Variants in ANKRD40 observed in about 807,000 individuals in gnomAD.
The protein encoded by ANKRD40 is ankyrin repeat domain 40.
Under a neutral mutation model 35.5 loss-of-function variants are expected in ANKRD40, and 24 were observed. The ratio of observed to expected loss-of-function variants is 0.68; its 90% confidence interval spans 0.49 to 0.95. ANKRD40 has a LOEUF of 0.95. ANKRD40 is among the 40% of genes least tolerant of loss of function. ANKRD40 has a pLI of 0.00. For synonymous variants in ANKRD40, 147 were observed against 173.5 expected (o/e 0.85, Z 1.20); for missense variants, 361 against 436.0 (o/e 0.83, Z 1.53).
rs543264992 is a variant in ANKRD40 at position 50,695,666 on chromosome 17, G to A, written c.*331C>T. The A allele has an allele frequency of 4.7e-5, 9 of 189,598 alleles. No individual in the cohort carries two copies. In the East Asian group the frequency reaches 6.3e-4, roughly 13 times the overall value. The allele number at this position is 189,598 out of a possible 1,614,324, so 11.7% of individuals were successfully genotyped here. A position where few individuals can be genotyped will look rare whatever the true frequency, so the allele number is the denominator to read the frequency against. On this transcript the variant is annotated 3_prime_UTR_variant, in exon 5 of 5. Transcript: ENST00000285243. ...ACAGGAGTGGCTAGAAATAGGCTCC[G>A]CTCTCTCTCAGCTGCTGCTTAGACA...
Position 50,695,915 on chromosome 17 carries a change from A to AGGCATTTAGATCAATGGCTT in ANKRD40, c.*62_*81dup. On this transcript the variant is annotated 3_prime_UTR_variant, in exon 5 of 5. Coordinates refer to ENST00000285243, the MANE Select transcript of ANKRD40 (RefSeq NM_052855.4). ...CACCAGAGGCCCTCCCGGGCATCTG[A>AGGCATTTAGATCAATGGCTT]GGCATTTAGATCAATGGCTTGTCCT... 1.3e-6 allele frequency: 2 copies of AGGCATTTAGATCAATGGCTT among 1,536,892 alleles called. No individual in the cohort carries two copies.
chr17:50,700,459 A>G, intron 2 of ANKRD40, 109 bp downstream of exon 2: 3 of 959,462 alleles, frequency 3.1e-6, no homozygotes, highest in Non-Finnish European at 4.4e-6. Flanking sequence ...AAAAAAAAAA[A>G]AGAAAGAAAT....
intron 1 of ANKRD40, among the ~76,000 whole-genome samples, chr17:50,705,545 C>T (rs1025296669): frequency 6.6e-6 from 1 of 151,874 alleles, no homozygotes; most frequent in Non-Finnish European, 1.5e-5. Context: ...ACTGGGATCT[C>T]ACTATGTTGC....
intron 1 of ANKRD40, among the ~76,000 whole-genome samples, chr17:50,706,080 T>C (rs1968333628): frequency 6.6e-6 from 1 of 152,012 alleles, no homozygotes; most frequent in African/African-American, 2.4e-5. Context: ...TCCCTTTCAG[T>C]TCCAAAATGG....
chr17:50,695,180 G>A lies in ANKRD40; in HGVS notation c.*817C>T, dbSNP rs1409116323. ...AGGCCAGAAGTTTGAGACCAGCCTG[G>A]GCCACATAGTGAGACCCTGTCTCTA... On this transcript the variant is annotated 3_prime_UTR_variant, in exon 5 of 5. Transcript: ENST00000285243. 2.0e-5 allele frequency: 3 copies of A among 151,068 alleles called. No individual in the cohort carries two copies. The highest frequency in any genetic ancestry group is 7.3e-5 in the African/African-American group (3 of 40,892). The allele number at this position is 151,068 out of a possible 1,614,324, so 9.4% of individuals were successfully genotyped here.
chr17:50,696,019 C>T lies in ANKRD40; in HGVS notation c.1085G>A (p.Arg362Lys). 6.2e-7 allele frequency: 1 copy of T among 1,614,170 alleles called. No homozygotes were observed. Among genetic ancestry groups the T allele is most frequent in the Non-Finnish European group, 8.5e-7 (1 of 1,180,020 alleles). Residue 362 changes from arginine (R) to lysine (K), a missense_variant, in exon 5 of 5, where the codon AGA becomes AAA. Around this residue, in one of 5 missense-constraint regions of ANKRD40, gnomAD observed 93 missense variants for 129.6 expected, o/e 0.72. Transcript: ENST00000285243. ...GCATTAGTAAGTCAGTTTTGAAGCTCTCCTGTTATAGCAAGGCCTTTCAGT... is the reference window on the plus strand; with the variant it reads ...GCATTAGTAAGTCAGTTTTGAAGCTTTCCTGTTATAGCAAGGCCTTTCAGT... ...TLTERPCYNR[R>K]ASKLTY
At chr17:50,700,848 C>T in intron 1 of ANKRD40, 132 bp from the exon 2 acceptor site, 1 of 722,904 alleles carries the variant, frequency 1.4e-6, no homozygotes, top group Non-Finnish European at 2.1e-6. Flanking sequence ...CTGGTAATCT[C>T]AACTTTTCAC....
intron 4 of ANKRD40, chr17:50,696,678 T>C: frequency 3.1e-6 from 1 of 325,462 alleles, no homozygotes; most frequent in Admixed American, 4.7e-5. Flanking sequence ...TACAACTAGT[T>C]TGTAAGACTG....
Position 50,699,905 on chromosome 17 carries a change from G to C in ANKRD40, c.284-12C>G. The stretch of plus-strand genomic sequence containing the variant: ...ATCTTCTTCTTCCACTTAAAAAGAA[G>C]AAAACAGAACATTTACACAGTCCTT... On this transcript the variant is annotated splice_polypyrimidine_tract_variant and intron_variant, in intron 2 of 4. Transcript: ENST00000285243. 6.7e-7 allele frequency: 1 copy of C among 1,497,438 alleles called. No homozygotes were observed. Among genetic ancestry groups the C allele is most frequent in the Non-Finnish European group, 8.9e-7 (1 of 1,124,834 alleles). 92.8% of individuals were successfully genotyped at this position (1,497,438 alleles called of 1,614,324 possible).
At position 50,707,687 on chromosome 17, in the gene ANKRD40, G is replaced by GCCTGC; in HGVS notation, c.-38_-34dup. On this transcript the variant is annotated 5_prime_UTR_variant, in exon 1 of 5. Coordinates refer to ENST00000285243, the MANE Select transcript of ANKRD40 (RefSeq NM_052855.4). The surrounding 1 kb of genome is among the most constrained non-coding windows in gnomAD (Gnocchi z 4.8). The stretch of plus-strand genomic sequence containing the variant: ...CAGCCCCAGGCCCCCGCCCAGGCCC[G>GCCTGC]CCTGCCCCGCCCCGCCCGGGGCCTG... 1.5e-6 allele frequency: 2 copies of GCCTGC among 1,372,058 alleles called. No homozygotes were observed. The highest frequency in any genetic ancestry group is 1.9e-6 in the Non-Finnish European group (2 of 1,059,388). 85.0% of individuals were successfully genotyped at this position (1,372,058 alleles called of 1,614,324 possible).
chr17:50,698,194 A>T (rs958243752), intron 3 of ANKRD40, among the ~76,000 whole-genome samples: 20 of 151,948 alleles, frequency 1.3e-4, no homozygotes, highest in African/African-American at 4.8e-4. Context: ...GAAATGACTG[A>T]TTCCAGGGTT....
chr17:50,700,459 AAGAAAG>A, intron 2 of ANKRD40, 103 bp downstream of exon 2: 1 of 959,462 alleles, frequency 1.0e-6, no homozygotes, highest in Non-Finnish European at 1.5e-6. Flanking sequence ...AAAAAAAAAA[AAGAAAG>A]AAATAGAGCA....
chr17:50,700,957 C>T, intron 1 of ANKRD40: 1 of 382,910 alleles, frequency 2.6e-6, no homozygotes, highest in African/African-American at 2.0e-5. Context: ...GTTTTAATTT[C>T]AATAGCCTCC....
At chr17:50,704,542 A>G (rs938211097) in intron 1 of ANKRD40, among the ~76,000 whole-genome samples, 3 of 149,600 alleles carry the variant, frequency 2.0e-5, no homozygotes, top group Non-Finnish European at 1.5e-5. Flanking sequence ...AAAAAAACCT[A>G]TAAGAAGCCT....
intron 1 of ANKRD40, among the ~76,000 whole-genome samples, chr17:50,704,462 G>A: frequency 6.9e-6 from 1 of 145,904 alleles, no homozygotes; most frequent in East Asian, 2.0e-4. Context: ...GATGCAGTGA[G>A]CTGAGATCAC....
chr17:50,695,809 G>T lies in ANKRD40; in HGVS notation c.*188C>A, dbSNP rs1485321088. On this transcript the variant is annotated 3_prime_UTR_variant, in exon 5 of 5. Coordinates refer to ENST00000285243, the MANE Select transcript of ANKRD40 (RefSeq NM_052855.4). ...CAATAGGTTTACTGTGCACCAAGAG[G>T]CTTGGAAGAGTGGCACCACTGCTTG... 1.0e-4 allele frequency: 60 copies of T among 584,784 alleles called. No individual in the cohort carries two copies. The highest frequency in any genetic ancestry group is 1.1e-4 in the Non-Finnish European group (39 of 346,420). 36.2% of individuals were successfully genotyped at this position (584,784 alleles called of 1,614,324 possible).
rs765023246 is a variant in ANKRD40 at position 50,700,738 on chromosome 17, T to C, written c.135-22A>G. The C allele has an allele frequency of 4.0e-5, 64 of 1,592,182 alleles. No homozygotes were observed. In the South Asian group the frequency reaches 6.1e-4, roughly 15 times the overall value. The stretch of plus-strand genomic sequence containing the variant: ...AGTCCTGTACCAAAGAAAATAATGA[T>C]TGAAAAAGAGGAGAAGTGATTTTGG... On this transcript the variant is annotated intron_variant, in intron 1 of 4. Transcript: ENST00000285243.
chr17:50,700,771 AT>A (rs1968263757), intron 1 of ANKRD40, 55 bp from the exon 2 acceptor site: 2 of 1,526,186 alleles, frequency 1.3e-6, no homozygotes, highest in African/African-American at 1.4e-5. Flanking sequence ...TGGATTTCAG[AT>A]TCTAAACATT....
chr17:50,696,244 G>C, intron 4 of ANKRD40, 101 bp from the exon 5 acceptor site: 1 of 1,293,196 alleles, frequency 7.7e-7, no homozygotes, highest in Non-Finnish European at 1.0e-6. Flanking sequence ...TCAAAACCTA[G>C]AAGAAAAAAA....
Sources: gnomAD v4.1 joint callset for allele counts (sites outside exome capture counted in the v4.1 genomes callset) on GRCh38, gnomAD v4.1.1 for gene constraint, gnomAD v4.1.1 regional missense constraint, Gnocchi (gnomAD v3.1) non-coding constraint, MANE v1.5 for transcripts, NCBI Gene and HGNC (gene_info 2026-07-23, HGNC 2026-07-21) for gene names.